The following VASH2 variants were observed in gnomAD, a reference collection of about 807,000 sequenced individuals.
VASH2 encodes tubulinyl-Tyr carboxypeptidase 2.
VASH2 carries 28 observed loss-of-function variants against 37.2 expected under a neutral mutation model. The ratio of observed to expected loss-of-function variants is 0.75; its 90% CI spans 0.56 to 1.03. The LOEUF (loss-of-function observed/expected upper bound fraction) is 1.03, where lower values mean the gene tolerates loss of function less well. Ranked by LOEUF, VASH2 falls within the 50% of genes least tolerant of loss-of-function variation. The pLI, the probability that VASH2 is intolerant of heterozygous loss-of-function variation, is 0.00. For synonymous variants in VASH2, 188 were observed against 174.7 expected (o/e 1.08, Z -0.60); for missense variants, 419 against 459.1 (o/e 0.91, Z 0.80).
chr1:212,966,480 T>A (rs61832431), intron 5 of VASH2, 135 bp downstream of exon 5: 17,242 of 732,524 alleles, frequency 0.024, 274 homozygotes, highest in East Asian at 0.039. Flanking sequence ...CAAACTCCTC[T>A]GGTTCATCTC....
At chr1:212,954,653 C>T (rs541291134) in intron 2 of VASH2, among the ~76,000 whole-genome samples, 36 of 152,202 alleles carry the variant, frequency 2.4e-4, no homozygotes, top group Admixed American at 2.2e-3. Context: ...CTCATGACCT[C>T]ATGATCTGCC....
intron 2 of VASH2, among the ~76,000 whole-genome samples, chr1:212,954,521 A>T (rs1373872565): frequency 1.3e-5 from 2 of 152,138 alleles, no homozygotes; most frequent in Non-Finnish European, 1.5e-5. Context: ...CCCGGGTTCA[A>T]GCAATTCTCC....
intron 7 of VASH2, 63 bp downstream of exon 7, chr1:212,974,133 GC>G: frequency 6.6e-7 from 1 of 1,509,334 alleles, no homozygotes. Flanking sequence ...GGTTGTCCTG[GC>G]CCATGGGGAC....
At chr1:212,963,840 G>A (rs1666756055) in intron 3 of VASH2, among the ~76,000 whole-genome samples, 1 of 152,134 alleles carries the variant, frequency 6.6e-6, no homozygotes, top group African/African-American at 2.4e-5. Flanking sequence ...GTGAGCGGAG[G>A]AAAGTTGGGC....
At chr1:212,973,686 G>T (rs1394429807) in intron 6 of VASH2, 5 of 1,268,818 alleles carry the variant, frequency 3.9e-6, no homozygotes, top group Non-Finnish European at 5.0e-6. Flanking sequence ...TGAGGCATTG[G>T]GCTGTGTTCC....
At position 212,953,452 on chromosome 1, in the gene VASH2, A is replaced by G. The variant is rs1666386725; in HGVS notation, c.276+1634A>G. Among the ~76,000 whole-genome samples the G allele has an allele frequency of 2.0e-5, 3 of 152,168 alleles. 1 individual carries two copies. In the South Asian group the frequency reaches 6.2e-4, roughly 31 times the overall value. On this transcript the variant is annotated intron_variant, in intron 2 of 7. Coordinates refer to ENST00000517399, the MANE Select transcript of VASH2 (RefSeq NM_001301056.2). ...CCTCGCAGCACCCTCCCACCCGCAA[A>G]TCACATTTCATCACTGATTGTTGTG...
intron 6 of VASH2, 70 bp downstream of exon 6, chr1:212,973,031 C>T (rs898343999): frequency 6.5e-7 from 1 of 1,542,786 alleles, no homozygotes; most frequent in Admixed American, 2.3e-5. Context: ...CTGTCTCTTG[C>T]TCCAGGCCTC....
chr1:212,968,876 G>A (rs1177726020), intron 5 of VASH2: 3 of 985,318 alleles, frequency 3.0e-6, no homozygotes, highest in South Asian at 9.4e-5. Context: ...TTGTTGAGGG[G>A]TGTCTGAGTG....
chr1:212,960,613 C>T (rs1666644386), intron 2 of VASH2, among the ~76,000 whole-genome samples: 2 of 152,208 alleles, frequency 1.3e-5, no homozygotes, highest in Non-Finnish European at 2.9e-5. Flanking sequence ...TGGTCTCAAA[C>T]TCCTGGACTC....
intron 3 of VASH2, among the ~76,000 whole-genome samples, chr1:212,962,475 G>A (rs896039142): frequency 5.3e-5 from 8 of 152,176 alleles, no homozygotes; most frequent in African/African-American, 1.7e-4. Flanking sequence ...ATTTCAGGGG[G>A]CACTGCACAC....
At chr1:212,986,948 G>T (rs1667495079) in intron 7 of VASH2, among the ~76,000 whole-genome samples, 2 of 152,206 alleles carry the variant, frequency 1.3e-5, no homozygotes, top group African/African-American at 4.8e-5. Context: ...GTAGGGCCTA[G>T]TCAGGGATAG....
rs1666729779 is a variant in VASH2 at position 212,963,227 on chromosome 1, A to G, written c.365+1973A>G. Among the ~76,000 whole-genome samples the G allele has an allele frequency of 2.0e-5, 3 of 152,110 alleles. No homozygotes were observed. In the South Asian group the frequency reaches 6.2e-4, roughly 32 times the overall value. The stretch of plus-strand genomic sequence containing the variant: ...TGCTTTTCCATTTTTCTCTTCTCTG[A>G]CCCATTATGACTGCGAAGGTCAATG... On this transcript the variant is annotated intron_variant, in intron 3 of 7. Coordinates refer to ENST00000517399, the MANE Select transcript of VASH2 (RefSeq NM_001301056.2).
chr1:212,969,215 C>T (rs541565978), intron 5 of VASH2: 16 of 970,308 alleles, frequency 1.6e-5, no homozygotes, highest in African/African-American at 7.2e-5. Context: ...TTTTTTGAGA[C>T]GGAGTCTTGG....
chr1:212,969,897 C>T (rs879526522), intron 5 of VASH2, among the ~76,000 whole-genome samples: 3 of 152,168 alleles, frequency 2.0e-5, no homozygotes, highest in Admixed American at 2.0e-4. Flanking sequence ...CTTTTTTTGA[C>T]TTTGGCCCAG....
At chr1:212,959,092 C>T (rs982689120) in intron 2 of VASH2, among the ~76,000 whole-genome samples, 3 of 152,188 alleles carry the variant, frequency 2.0e-5, no homozygotes, top group African/African-American at 7.2e-5. Context: ...CTTTCTCTCT[C>T]GTTCGTTCGT....
chr1:212,955,527 T>C (rs1199382962), intron 2 of VASH2, among the ~76,000 whole-genome samples: 1 of 151,992 alleles, frequency 6.6e-6, no homozygotes, highest in Non-Finnish European at 1.5e-5. Context: ...TCAGAGAGAG[T>C]GGCCAGCCCA....
intron 4 of VASH2, chr1:212,965,979 C>A: frequency 3.3e-6 from 2 of 612,318 alleles, no homozygotes; most frequent in Non-Finnish European, 2.9e-6. Flanking sequence ...GTGGTGAATT[C>A]TAGCTTCCAG....
At chr1:212,964,997 C>G (rs1191514972) in intron 3 of VASH2, among the ~76,000 whole-genome samples, 1 of 151,652 alleles carries the variant, frequency 6.6e-6, no homozygotes, top group African/African-American at 2.4e-5. Context: ...CTTGGCTCAC[C>G]ATAAATTCTG....
At chr1:212,966,145 C>A in intron 4 of VASH2, 126 bp from the exon 5 acceptor site, 1 of 803,614 alleles carries the variant, frequency 1.2e-6, no homozygotes, top group Non-Finnish European at 2.0e-6. Flanking sequence ...AAGGTGACTT[C>A]TCCCTTTTCC....
Sources: allele counts gnomAD v4.1 joint callset (sites outside exome capture counted in the v4.1 genomes callset), GRCh38; gene constraint gnomAD v4.1.1; transcripts MANE v1.5; gene names NCBI Gene and HGNC (gene_info 2026-07-23, HGNC 2026-07-21).